The following PTPRN2 variants were observed in gnomAD, a reference collection of about 807,000 sequenced individuals.
PTPRN2 encodes the protein protein tyrosine phosphatase receptor type N2, also known as receptor-type tyrosine-protein phosphatase N2.
In PTPRN2, 74 loss-of-function variants were observed where a neutral mutation model predicts 118.8. That is an observed-to-expected ratio of 0.62 (90% CI 0.52 to 0.76). The LOEUF (loss-of-function observed/expected upper bound fraction) is 0.76, where lower values mean the gene tolerates loss of function less well. Ranked by LOEUF, PTPRN2 falls within the 30% of genes least tolerant of loss-of-function variation. PTPRN2 has a pLI of 0.00. For synonymous variants in PTPRN2, 641 were observed against 608.0 expected (o/e 1.05, Z -0.80); for missense variants, 1,481 against 1,394.4 (o/e 1.06, Z -0.99).
At chr7:158,448,061 C>G (rs1018387724) in intron 2 of PTPRN2, among the ~76,000 whole-genome samples, 16 of 152,344 alleles carry the variant, frequency 1.1e-4, no homozygotes, top group African/African-American at 3.6e-4. Context: ...TGAAGCCAAG[C>G]CCAGCATGGC....
Position 158,403,814 on chromosome 7 carries a change from T to C in PTPRN2, c.163+85921A>G, listed in dbSNP as rs556288019. Among the ~76,000 whole-genome samples the C allele has an allele frequency of 2.6e-5, 4 of 152,278 alleles. 1 individual carries two copies. The East Asian group carries it at 7.7e-4, about 29-fold the overall frequency. On this transcript the variant is annotated intron_variant, in intron 2 of 22. Coordinates refer to ENST00000389418, the MANE Select transcript of PTPRN2 (RefSeq NM_002847.5). ...GAGTTCTGAAATTCTGATGCTGGGA[T>C]GATGCACTTTGGAAAAAACCATGAT...
At chr7:157,789,704 GGTGT>G (rs1185148153) in intron 12 of PTPRN2, among the ~76,000 whole-genome samples, 1 of 150,850 alleles carries the variant, frequency 6.6e-6, no homozygotes, top group Non-Finnish European at 1.5e-5. Flanking sequence ...ATGTGTGTGT[GGTGT>G]GTGTGGTATG....
At chr7:157,769,983 C>T (rs1186892596) in intron 12 of PTPRN2, among the ~76,000 whole-genome samples, 5 of 152,204 alleles carry the variant, frequency 3.3e-5, no homozygotes, top group East Asian at 3.9e-4. Context: ...ATACACACCC[C>T]GACCTCGGCT....
intron 16 of PTPRN2, among the ~76,000 whole-genome samples, chr7:157,600,359 C>G (rs1458388255): frequency 6.6e-6 from 1 of 152,236 alleles, no homozygotes; most frequent in Non-Finnish European, 1.5e-5. Flanking sequence ...AGTCTCTTTT[C>G]CAAATACTAA....
intron 18 of PTPRN2, 104 bp from the exon 19 acceptor site, chr7:157,576,883 G>C: frequency 1.7e-6 from 2 of 1,193,810 alleles, no homozygotes; most frequent in South Asian, 3.2e-5. Flanking sequence ...AGAGAAGGGG[G>C]CGCTGCGAAG....
At chr7:157,659,039 C>T (rs916856577) in intron 13 of PTPRN2, among the ~76,000 whole-genome samples, 2 of 151,936 alleles carry the variant, frequency 1.3e-5, no homozygotes, top group Admixed American at 6.6e-5. Flanking sequence ...TCCATTCTCC[C>T]TTCACCCCGG....
intron 11 of PTPRN2, among the ~76,000 whole-genome samples, chr7:157,916,915 G>A (rs1479893760): frequency 2.4e-5 from 3 of 122,952 alleles, no homozygotes; most frequent in South Asian, 3.0e-4. Context: ...GGCTGGCCAC[G>A]CACCCCGGCC....
chr7:157,917,554 A>G (rs1798480166), intron 11 of PTPRN2, among the ~76,000 whole-genome samples: 1 of 152,210 alleles, frequency 6.6e-6, no homozygotes, highest in African/African-American at 2.4e-5. Flanking sequence ...TGTCAGCTCC[A>G]ATTTCCAAGT....
chr7:158,314,081 G>A (rs78030723), intron 3 of PTPRN2, among the ~76,000 whole-genome samples: 36,522 of 152,102 alleles, frequency 0.24, 5,075 homozygotes, highest in East Asian at 0.38. Context: ...CCCTGCCCCC[G>A]CCACATCTCA....
At chr7:157,907,617 G>A (rs1797852682) in intron 11 of PTPRN2, among the ~76,000 whole-genome samples, 2 of 145,296 alleles carry the variant, frequency 1.4e-5, no homozygotes, top group Admixed American at 1.4e-4. Flanking sequence ...TGCATGTGGG[G>A]TGTCCTGGGG....
intron 6 of PTPRN2, among the ~76,000 whole-genome samples, chr7:158,140,228 C>T (rs1819245521): frequency 6.6e-6 from 1 of 152,212 alleles, no homozygotes; most frequent in Non-Finnish European, 1.5e-5. Context: ...AGCCTCCTCA[C>T]CGCGTCCAGG....
rs1295789180 is a variant in PTPRN2 at position 157,577,874 on chromosome 7, C to T, written c.2616+147G>A. On this transcript the variant is annotated intron_variant, in intron 18 of 22. Transcript: ENST00000389418. ...CCCTGCATGCGGCCCTCGGGGGTGG[C>T]TCAGCCTCCATCCCCTGAACATGGG... 4 of 1,129,930 alleles carry T rather than the reference C, an allele frequency of 3.5e-6. No individual in the cohort carries two copies. In the African/African-American group the frequency reaches 6.3e-5, roughly 18 times the overall value. The allele number at this position is 1,129,930 out of a possible 1,614,324, so 70.0% of individuals were successfully genotyped here.
At chr7:158,014,211 G>T (rs1048588087) in intron 11 of PTPRN2, among the ~76,000 whole-genome samples, 2 of 144,924 alleles carry the variant, frequency 1.4e-5, no homozygotes, top group Non-Finnish European at 3.0e-5. Context: ...CATCCATCCA[G>T]CCAGCCACCC....
intron 12 of PTPRN2, among the ~76,000 whole-genome samples, chr7:157,875,341 C>T (rs142185700): frequency 1.1e-3 from 168 of 152,318 alleles, no homozygotes; most frequent in African/African-American, 3.9e-3. Context: ...CGCGTGAGGG[C>T]TTCCTCCTAT....
intron 11 of PTPRN2, among the ~76,000 whole-genome samples, chr7:158,023,554 C>T (rs912432966): frequency 2.0e-5 from 3 of 152,168 alleles, no homozygotes; most frequent in African/African-American, 4.8e-5. Context: ...GGAGAAGAGC[C>T]GAGGAGCGAG....
intron 12 of PTPRN2, among the ~76,000 whole-genome samples, chr7:157,714,308 T>C (rs9769539): frequency 0.22 from 33,912 of 152,210 alleles, 4,114 homozygotes; most frequent in Non-Finnish European, 0.28. Flanking sequence ...AAACTGCGCA[T>C]CTTTGATGAG....
Position 157,676,873 on chromosome 7 carries a change from T to C in PTPRN2, c.2001+5852A>G, listed in dbSNP as rs901142647. Among the ~76,000 whole-genome samples, 4 of 152,104 alleles carry C rather than the reference T, an allele frequency of 2.6e-5. No homozygotes were observed. The highest frequency in any genetic ancestry group is 5.9e-5 in the Non-Finnish European group (4 of 68,026). On this transcript the variant is annotated intron_variant, in intron 13 of 22. Transcript: ENST00000389418. The surrounding 1 kb of genome is among the most constrained non-coding windows in gnomAD (Gnocchi z 5.6). ...GGGTCACCCCAGGAGCGACCCTGGC[T>C]TTGACGAGAAGGAAGTGTTCTCTGG...
At chr7:158,530,445 C>T (rs1825129757) in intron 1 of PTPRN2, among the ~76,000 whole-genome samples, 1 of 152,208 alleles carries the variant, frequency 6.6e-6, no homozygotes, top group Admixed American at 6.5e-5. Context: ...CGCCGGCCTC[C>T]CCGTGTGCCA....
intron 3 of PTPRN2, among the ~76,000 whole-genome samples, chr7:158,293,690 T>C (rs182051821): frequency 1.0e-3 from 152 of 152,322 alleles, no homozygotes; most frequent in African/African-American, 3.3e-3. Context: ...AAATAGTCTC[T>C]TTATATCCTT....
Sources: allele counts gnomAD v4.1 joint callset (sites outside exome capture counted in the v4.1 genomes callset), GRCh38; gene constraint gnomAD v4.1.1; non-coding constraint Gnocchi (gnomAD v3.1); transcripts MANE v1.5; gene names NCBI Gene and HGNC (gene_info 2026-07-23, HGNC 2026-07-21).